Variants in PDE10A observed in about 807,000 individuals in gnomAD.
The protein encoded by PDE10A is cAMP and cAMP-inhibited cGMP 3',5'-cyclic phosphodiesterase 10A.
PDE10A carries 39 observed loss-of-function variants against 97.7 expected under a neutral mutation model. The ratio of observed to expected loss-of-function variants is 0.40; its 90% CI spans 0.31 to 0.52. PDE10A has a LOEUF of 0.52. Among genes scored for constraint, PDE10A ranks in the 20% least tolerant of loss-of-function variants. The pLI is 0.56. For missense variants in PDE10A, 731 were observed against 1,047.8 expected (o/e 0.70, Z 4.17); for synonymous variants, 371 against 376.8 (o/e 0.98, Z 0.18).
At position 165,600,074 on chromosome 6, in the gene PDE10A, G is replaced by A. The variant is rs117408894; in HGVS notation, c.866-56506C>T. Among the ~76,000 whole-genome samples, 208 of 152,180 alleles carry A rather than the reference G, an allele frequency of 1.4e-3. 2 individuals carry two copies. Among genetic ancestry groups the A allele is most frequent in the Middle Eastern group, 0.014 (4 of 294 alleles). On this transcript the variant is annotated intron_variant, in intron 1 of 21. Coordinates refer to ENST00000539869, the MANE Select transcript of PDE10A (RefSeq NM_001385079.1). ...CCGACCGGGGAATCCTCGCCACACC[G>A]CACCTCACACACCCCTCCCCAGCCA...
At chr6:165,919,866 C>T (rs1472492300) in intron 1 of PDE10A, among the ~76,000 whole-genome samples, 2 of 152,194 alleles carry the variant, frequency 1.3e-5, no homozygotes, top group African/African-American at 2.4e-5. Flanking sequence ...GGAAGCAGAA[C>T]GTGCCCTTCT....
chr6:165,567,659 T>A (rs1413648166), intron 1 of PDE10A, among the ~76,000 whole-genome samples: 3 of 152,142 alleles, frequency 2.0e-5, no homozygotes, highest in Non-Finnish European at 4.4e-5. Flanking sequence ...CAATACTTTT[T>A]AAAAATATAT....
intron 1 of PDE10A, among the ~76,000 whole-genome samples, chr6:165,703,327 T>C (rs1791627030): frequency 6.6e-6 from 1 of 152,150 alleles, no homozygotes; most frequent in Non-Finnish European, 1.5e-5. Context: ...CCTGTCCCTT[T>C]CATATAGAGA....
At chr6:165,549,636 T>C (rs567520584) in intron 1 of PDE10A, among the ~76,000 whole-genome samples, 2 of 152,290 alleles carry the variant, frequency 1.3e-5, no homozygotes, top group Admixed American at 1.3e-4. Flanking sequence ...ATTATTATGT[T>C]TTAAAGTCAC....
At chr6:165,975,397 G>C (rs1017483386) in intron 1 of PDE10A, among the ~76,000 whole-genome samples, 12 of 152,272 alleles carry the variant, frequency 7.9e-5, no homozygotes, top group African/African-American at 2.9e-4. Flanking sequence ...TTGGGCTCAA[G>C]AGTTCGAGAC....
intron 1 of PDE10A, among the ~76,000 whole-genome samples, chr6:165,794,831 A>G (rs1778787372): frequency 1.3e-5 from 2 of 152,230 alleles, no homozygotes; most frequent in Admixed American, 1.3e-4. Flanking sequence ...TTTTATCAAT[A>G]GTTGGGCGTA....
At chr6:165,789,715 C>T (rs1778596815) in intron 1 of PDE10A, among the ~76,000 whole-genome samples, 1 of 152,194 alleles carries the variant, frequency 6.6e-6, no homozygotes, top group African/African-American at 2.4e-5. Flanking sequence ...TAGAGTTTGC[C>T]TTTGCTTTCA....
At chr6:165,687,994 C>G (rs376347934) in intron 1 of PDE10A, among the ~76,000 whole-genome samples, 1 of 152,200 alleles carries the variant, frequency 6.6e-6, no homozygotes, top group Non-Finnish European at 1.5e-5. Flanking sequence ...TGTGACTCCA[C>G]GGCTCACGCC....
At chr6:165,442,230 T>C (rs1790522483) in intron 5 of PDE10A, among the ~76,000 whole-genome samples, 1 of 152,146 alleles carries the variant, frequency 6.6e-6, no homozygotes, top group African/African-American at 2.4e-5. Flanking sequence ...GCCATGTTGG[T>C]GTGCTGCACC....
chr6:165,659,579 A>G (rs1790132042), intron 1 of PDE10A, among the ~76,000 whole-genome samples: 1 of 152,200 alleles, frequency 6.6e-6, no homozygotes, highest in Admixed American at 6.5e-5. Context: ...TTTTGTTTAA[A>G]AGTATCTTCT....
At chr6:165,367,549 G>T (rs779838605) in intron 18 of PDE10A, among the ~76,000 whole-genome samples, 1 of 151,850 alleles carries the variant, frequency 6.6e-6, no homozygotes, top group East Asian at 1.9e-4. Flanking sequence ...GCAGCCCACA[G>T]ACCCAGAAAC....
intron 1 of PDE10A, among the ~76,000 whole-genome samples, chr6:165,875,312 T>C (rs1048940316): frequency 1.3e-5 from 2 of 152,148 alleles, no homozygotes; most frequent in Non-Finnish European, 2.9e-5. Flanking sequence ...TCTTATGAAA[T>C]GCCATGGAAA....
At chr6:165,692,231 G>A (rs1791320886) in intron 1 of PDE10A, among the ~76,000 whole-genome samples, 1 of 152,174 alleles carries the variant, frequency 6.6e-6, no homozygotes, top group Non-Finnish European at 1.5e-5. Flanking sequence ...CCACACCTAA[G>A]GGGAGCGCTG....
At chr6:165,532,569 A>G (rs1329727079) in intron 2 of PDE10A, among the ~76,000 whole-genome samples, 1 of 152,044 alleles carries the variant, frequency 6.6e-6, no homozygotes, top group Non-Finnish European at 1.5e-5. Context: ...CTGTGCCTGG[A>G]GCTACTAGTA....
At chr6:165,490,232 C>A (rs923872922) in intron 2 of PDE10A, among the ~76,000 whole-genome samples, 6 of 152,186 alleles carry the variant, frequency 3.9e-5, no homozygotes. Context: ...ACTTGTCAGA[C>A]TAACAGCAGA....
chr6:165,657,865 G>A (rs1583732464), intron 1 of PDE10A, among the ~76,000 whole-genome samples: 1 of 152,332 alleles, frequency 6.6e-6, no homozygotes, highest in East Asian at 1.9e-4. Flanking sequence ...GGAGGACTGT[G>A]ACACTCACGT....
intron 1 of PDE10A, among the ~76,000 whole-genome samples, chr6:165,683,791 G>C (rs1791042690): frequency 6.6e-6 from 1 of 152,122 alleles, no homozygotes; most frequent in African/African-American, 2.4e-5. Context: ...GTCACCGATT[G>C]AAAATGTCAC....
chr6:165,971,225 G>A (rs1284768223), intron 1 of PDE10A, among the ~76,000 whole-genome samples: 1 of 151,912 alleles, frequency 6.6e-6, no homozygotes, highest in Non-Finnish European at 1.5e-5. Context: ...TTTTTAAATG[G>A]CACAGAAATG....
intron 1 of PDE10A, among the ~76,000 whole-genome samples, chr6:165,719,714 T>C (rs1359871487): frequency 6.6e-6 from 1 of 152,160 alleles, no homozygotes; most frequent in Non-Finnish European, 1.5e-5. Flanking sequence ...TAAAACATGT[T>C]TGGAATACGG....
Sources: gnomAD v4.1 joint callset for allele counts (sites outside exome capture counted in the v4.1 genomes callset) on GRCh38, gnomAD v4.1.1 for gene constraint, MANE v1.5 for transcripts, NCBI Gene and HGNC (gene_info 2026-07-23, HGNC 2026-07-21) for gene names.